Variants in PCDH15 observed in about 807,000 individuals in gnomAD.
PCDH15 encodes the protein protocadherin related 15, also known as protocadherin-15.
PCDH15 carries 129 observed loss-of-function variants against 178.5 expected under a neutral mutation model. The ratio of observed to expected loss-of-function variants is 0.72; its 90% CI spans 0.63 to 0.84. The LOEUF (loss-of-function observed/expected upper bound fraction) is 0.84, where lower values mean the gene tolerates loss of function less well. Among genes scored for constraint, PCDH15 ranks in the 40% least tolerant of loss-of-function variants. The probability of loss-of-function intolerance (pLI) is 0.00; values close to 1 mark genes in which losing one functional copy is unlikely to be tolerated. For synonymous variants in PCDH15, 800 were observed against 732.0 expected (o/e 1.09, Z -1.50); for missense variants, 2,230 against 2,099.9 (o/e 1.06, Z -1.21).
At chr10:55,278,896 C>A (rs1842660394) in intron 1 of PCDH15, among the ~76,000 whole-genome samples, 1 of 152,114 alleles carries the variant, frequency 6.6e-6, no homozygotes, top group African/African-American at 2.4e-5. Context: ...TGATAGTGTA[C>A]AAAGCCTCAG....
At chr10:54,165,235 T>A (rs2046102560) in intron 13 of PCDH15, among the ~76,000 whole-genome samples, 1 of 152,082 alleles carries the variant, frequency 6.6e-6, no homozygotes, top group African/African-American at 2.4e-5. Flanking sequence ...CTTACGCATA[T>A]CCTAGAATAA....
intron 2 of PCDH15, among the ~76,000 whole-genome samples, chr10:55,455,608 GAA>G (rs58350046): frequency 7.9e-5 from 12 of 151,852 alleles, no homozygotes; most frequent in Non-Finnish European, 1.2e-4. Flanking sequence ...ATTATTAATT[GAA>G]AAAAAAGGTG....
intron 1 of PCDH15, among the ~76,000 whole-genome samples, chr10:55,296,492 T>C (rs1843135442): frequency 6.6e-6 from 1 of 152,150 alleles, no homozygotes; most frequent in Admixed American, 6.6e-5. Context: ...ACTTAGTAAA[T>C]TCCAAAGGTT....
chr10:54,412,004 A>G lies in PCDH15; in HGVS notation c.158-33062T>C, dbSNP rs190848047. ...TATGTCCGTAGTTTATTCACTACTT[A>G]GGGTGACCTGTGCACATGCTAAATG... On this transcript the variant is annotated intron_variant, in intron 3 of 37. Coordinates refer to ENST00000644397, the MANE Select transcript of PCDH15 (RefSeq NM_001384140.1). Among the ~76,000 whole-genome samples, 249 of 152,238 alleles carry G rather than the reference A, an allele frequency of 1.6e-3. 1 individual carries two copies. Among genetic ancestry groups the G allele is most frequent in the African/African-American group, 5.5e-3 (230 of 41,572 alleles).
chr10:55,065,568 C>T (rs1371460888), intron 2 of PCDH15, among the ~76,000 whole-genome samples: 1 of 152,010 alleles, frequency 6.6e-6, no homozygotes, highest in Non-Finnish European at 1.5e-5. Flanking sequence ...AACTGTTTTA[C>T]CACTCTATGA....
At chr10:54,760,997 A>C (rs988754105) in intron 1 of PCDH15, among the ~76,000 whole-genome samples, 1 of 152,148 alleles carries the variant, frequency 6.6e-6, no homozygotes, top group Non-Finnish European at 1.5e-5. Flanking sequence ...TCGAATCAAT[A>C]TAACTGGTAG....
At position 54,648,069 on chromosome 10, in the gene PCDH15, A is replaced by C. The variant is rs147665953; in HGVS notation, c.91+16103T>G. ...TGGAAAGAGTTTCAATTATTCTTTAAATTTCCAATATTTTAATTCAAACTG... is the reference window on the plus strand; with the variant it reads ...TGGAAAGAGTTTCAATTATTCTTTACATTTCCAATATTTTAATTCAAACTG... On this transcript the variant is annotated intron_variant, in intron 2 of 37. Coordinates refer to ENST00000644397, the MANE Select transcript of PCDH15 (RefSeq NM_001384140.1). 2.6e-5 allele frequency among the ~76,000 whole-genome samples: 4 copies of C among 152,206 alleles called. No individual in the cohort carries two copies. In the East Asian group the frequency reaches 7.7e-4, roughly 29 times the overall value.
At chr10:55,023,230 C>T (rs1408061683) in intron 2 of PCDH15, among the ~76,000 whole-genome samples, 9 of 152,142 alleles carry the variant, frequency 5.9e-5, no homozygotes. Flanking sequence ...GCATGAGCCA[C>T]CGCGCCCGGT....
At chr10:54,891,790 G>A (rs1382447889) in intron 3 of PCDH15, among the ~76,000 whole-genome samples, 1 of 152,090 alleles carries the variant, frequency 6.6e-6, no homozygotes, top group Non-Finnish European at 1.5e-5. Context: ...AAGGACAGGT[G>A]GTTTTGAAGA....
At chr10:54,396,655 A>G (rs1374685514) in intron 3 of PCDH15, among the ~76,000 whole-genome samples, 1 of 152,154 alleles carries the variant, frequency 6.6e-6, no homozygotes. Flanking sequence ...GACATGATAT[A>G]TGAAGGAAAA....
intron 21 of PCDH15, among the ~76,000 whole-genome samples, chr10:53,965,495 CAACTT>C (rs2088913135): frequency 6.6e-6 from 1 of 152,150 alleles, no homozygotes; most frequent in African/African-American, 2.4e-5. Context: ...AATAACAAAT[CAACTT>C]AACATTTTTC....
chr10:54,899,221 G>A (rs539569569), intron 2 of PCDH15, among the ~76,000 whole-genome samples: 41 of 152,210 alleles, frequency 2.7e-4, no homozygotes, highest in Middle Eastern at 6.8e-3. Flanking sequence ...ACATGAAGAT[G>A]ATGCAAATAA....
At chr10:54,499,703 T>C (rs2080472573) in intron 3 of PCDH15, among the ~76,000 whole-genome samples, 2 of 152,104 alleles carry the variant, frequency 1.3e-5, no homozygotes, top group Admixed American at 1.3e-4. Context: ...TAGGACTACA[T>C]GCATCAATCA....
At chr10:54,134,578 C>A (rs2042728716) in intron 14 of PCDH15, among the ~76,000 whole-genome samples, 1 of 151,488 alleles carries the variant, frequency 6.6e-6, no homozygotes, top group Non-Finnish European at 1.5e-5. Context: ...ATGGTGAAAG[C>A]CGGTCTCTAC....
intron 1 of PCDH15, among the ~76,000 whole-genome samples, chr10:55,271,634 G>A (rs1842447442): frequency 6.6e-6 from 1 of 152,044 alleles, no homozygotes; most frequent in Non-Finnish European, 1.5e-5. Flanking sequence ...TATTTTGAGT[G>A]TCAGGATCAG....
At chr10:55,226,789 A>T (rs1841058649) in intron 1 of PCDH15, among the ~76,000 whole-genome samples, 1 of 152,118 alleles carries the variant, frequency 6.6e-6, no homozygotes, top group Non-Finnish European at 1.5e-5. Context: ...AATATTTAAA[A>T]ATCCATTGAA....
At chr10:54,757,276 C>CTTTTTTTT (rs57411772) in intron 1 of PCDH15, among the ~76,000 whole-genome samples, 5 of 34,188 alleles carry the variant, frequency 1.5e-4, no homozygotes, top group Admixed American at 4.5e-4. Context: ...AGAATTCTAC[C>CTTTTTTTT]TTTTTTTTTT....
chr10:54,299,922 C>T lies in PCDH15; in HGVS notation c.876+17349G>A, dbSNP rs2060044248. Among the ~76,000 whole-genome samples, 3 of 152,162 alleles carry T rather than the reference C, an allele frequency of 2.0e-5. No individual in the cohort carries two copies. In the South Asian group the frequency reaches 6.2e-4, roughly 32 times the overall value. On this transcript the variant is annotated intron_variant, in intron 8 of 37. Coordinates refer to ENST00000644397, the MANE Select transcript of PCDH15 (RefSeq NM_001384140.1). Reference sequence around the variant, plus strand: ...TTAATAGTAAAGAAAAATTATAATCCCAAACTTACAAGGCTTTCAACTAAA... The same window carrying T: ...TTAATAGTAAAGAAAAATTATAATCTCAAACTTACAAGGCTTTCAACTAAA...
intron 3 of PCDH15, among the ~76,000 whole-genome samples, chr10:54,428,066 A>G (rs1473081379): frequency 6.6e-6 from 1 of 152,230 alleles, no homozygotes; most frequent in Non-Finnish European, 1.5e-5. Context: ...ATTGTACTAG[A>G]CACTGTGGTT....
Sources: gnomAD v4.1 joint callset for allele counts (sites outside exome capture counted in the v4.1 genomes callset) on GRCh38, gnomAD v4.1.1 for gene constraint, MANE v1.5 for transcripts, NCBI Gene and HGNC (gene_info 2026-07-23, HGNC 2026-07-21) for gene names.